GPC6: variants seen among roughly 807,000 people sequenced by gnomAD.
The protein encoded by GPC6 is glypican 6.
A neutral mutation model predicts 55.2 loss-of-function variants in GPC6; 14 were observed. That is an observed-to-expected ratio of 0.25 (90% CI 0.17 to 0.40). The LOEUF is 0.40. Ranked by LOEUF, GPC6 falls within the 10% of genes least tolerant of loss-of-function variation. The pLI, the probability that GPC6 is intolerant of heterozygous loss-of-function variation, is 1.00. For missense variants in GPC6, 641 were observed against 708.5 expected, an observed-to-expected ratio of 0.90 and a Z score of 1.08; for synonymous variants, 278 against 259.6, an observed-to-expected ratio of 1.07 and a Z score of -0.68.
intron 6 of GPC6, among the ~76,000 whole-genome samples, chr13:94,311,296 G>A (rs1323670866): frequency 6.6e-6 from 1 of 151,706 alleles, no homozygotes; most frequent in African/African-American, 2.4e-5. Context: ...GGCCTCCCGA[G>A]TAGCTGGGAT....
intron 1 of GPC6, among the ~76,000 whole-genome samples, chr13:93,271,033 C>T (rs1877505060): frequency 6.6e-6 from 1 of 152,092 alleles, no homozygotes; most frequent in Admixed American, 6.5e-5. Context: ...TCCTTCTGGG[C>T]AAAAAGCAGA....
intron 4 of GPC6, among the ~76,000 whole-genome samples, chr13:94,031,974 T>C (rs187658327): frequency 3.3e-5 from 5 of 152,176 alleles, no homozygotes; most frequent in Non-Finnish European, 4.4e-5. Context: ...TAAGATTTTA[T>C]AGACTATGAG....
chr13:93,504,762 A>G (rs1399855692), intron 1 of GPC6, among the ~76,000 whole-genome samples: 1 of 152,180 alleles, frequency 6.6e-6, no homozygotes, highest in Non-Finnish European at 1.5e-5. Context: ...AAAAACAACA[A>G]CATTGAGTTC....
intron 3 of GPC6, among the ~76,000 whole-genome samples, chr13:94,015,404 T>C (rs1006782437): frequency 5.9e-5 from 9 of 152,184 alleles, no homozygotes; most frequent in Non-Finnish European, 1.3e-4. Flanking sequence ...TGGAGTTGTG[T>C]ATATGCTGGA....
chr13:93,566,185 A>G (rs1876107547), intron 2 of GPC6, among the ~76,000 whole-genome samples: 1 of 152,202 alleles, frequency 6.6e-6, no homozygotes, highest in African/African-American at 2.4e-5. Context: ...TTTCCTTGTA[A>G]TAATCATGCT....
At chr13:93,486,069 G>T (rs753903584) in intron 1 of GPC6, among the ~76,000 whole-genome samples, 1 of 152,162 alleles carries the variant, frequency 6.6e-6, no homozygotes, top group South Asian at 2.1e-4. Context: ...CAAGAAAATT[G>T]TTGCATGAAT....
chr13:93,642,120 C>T (rs1173300106), intron 2 of GPC6, among the ~76,000 whole-genome samples: 1 of 151,976 alleles, frequency 6.6e-6, no homozygotes, highest in African/African-American at 2.4e-5. Context: ...CCATAGTATC[C>T]AATAGGTAGT....
chr13:93,302,696 C>T (rs1566288280), intron 1 of GPC6, among the ~76,000 whole-genome samples: 1 of 152,226 alleles, frequency 6.6e-6, no homozygotes, highest in Non-Finnish European at 1.5e-5. Flanking sequence ...GGTAGAACAC[C>T]TGTAGCAGAA....
rs56074677 is a variant in GPC6 at position 94,339,751 on chromosome 13, C to CTTTTTTTTTT, written c.1152+33648_1152+33657dup. On this transcript the variant is annotated intron_variant, in intron 6 of 8. Transcript: ENST00000377047. ...TTAAGTCTGCAACCTGCATACTTTC[C>CTTTTTTTTTT]TTTTTTTTTTTTTTTTTTTTTTTTT... 7.1e-4 allele frequency among the ~76,000 whole-genome samples: 45 copies of CTTTTTTTTTT among 63,814 alleles called. 6 individuals are homozygous for CTTTTTTTTTT. The highest frequency in any genetic ancestry group is 3.5e-3 in the East Asian group (8 of 2,310). The allele number at this position is 63,814 out of a possible 152,430, so 41.9% of individuals were successfully genotyped here. A position where few individuals can be genotyped will look rare whatever the true frequency, so the allele number is the denominator to read the frequency against.
intron 2 of GPC6, among the ~76,000 whole-genome samples, chr13:93,552,349 A>G (rs1391643342): frequency 6.6e-6 from 1 of 152,188 alleles, no homozygotes; most frequent in Non-Finnish European, 1.5e-5. Flanking sequence ...TGTTTTTACA[A>G]TGCTGAAAGA....
rs1349344771 is a variant in GPC6, at chr13:93,885,127, A to G, written c.711+54582A>G. On this transcript the variant is annotated intron_variant, in intron 3 of 8. Coordinates refer to ENST00000377047, the MANE Select transcript of GPC6 (RefSeq NM_005708.5). Reference sequence around the variant, plus strand: ...AGGAAAATAGATAGATAAACAGACAATTACACTACAGCCCATTAACTATGT... The same window carrying G: ...AGGAAAATAGATAGATAAACAGACAGTTACACTACAGCCCATTAACTATGT... Among the ~76,000 whole-genome samples, 16 of 152,060 alleles carry G rather than the reference A, an allele frequency of 1.1e-4. 1 individual carries two copies. The highest frequency in any genetic ancestry group is 9.8e-4 in the Admixed American group (15 of 15,238).
chr13:93,275,585 C>A (rs1439164394), intron 1 of GPC6, among the ~76,000 whole-genome samples: 1 of 152,102 alleles, frequency 6.6e-6, no homozygotes, highest in Admixed American at 6.6e-5. Flanking sequence ...GTATAGGCAG[C>A]TTTGGTATCA....
At chr13:93,451,291 T>C (rs1878213805) in intron 1 of GPC6, among the ~76,000 whole-genome samples, 1 of 152,258 alleles carries the variant, frequency 6.6e-6, no homozygotes, top group Non-Finnish European at 1.5e-5. Flanking sequence ...TGAGAAAACT[T>C]CTGCTCTATG....
intron 4 of GPC6, among the ~76,000 whole-genome samples, chr13:94,266,369 T>C (rs183771730): frequency 0.02 from 3,079 of 152,104 alleles, 81 homozygotes; most frequent in African/African-American, 0.063. Flanking sequence ...GGGGTTTCAC[T>C]GTGTTAGCCA....
chr13:94,064,660 C>G (rs1884453680), intron 4 of GPC6, among the ~76,000 whole-genome samples: 1 of 152,086 alleles, frequency 6.6e-6, no homozygotes, highest in Non-Finnish European at 1.5e-5. Context: ...CCTTTGAATG[C>G]AGTCATTCTC....
At chr13:94,105,643 T>TTGGAG (rs1044629735) in intron 4 of GPC6, among the ~76,000 whole-genome samples, 50 of 152,126 alleles carry the variant, frequency 3.3e-4, no homozygotes, top group African/African-American at 1.2e-3. Context: ...TTCAGGAACT[T>TTGGAG]TGGAGCCACA....
chr13:94,308,329 T>C (rs1471646524), intron 6 of GPC6, among the ~76,000 whole-genome samples: 1 of 152,224 alleles, frequency 6.6e-6, no homozygotes, highest in Non-Finnish European at 1.5e-5. Flanking sequence ...TAAAATCTGA[T>C]GGACATGAAA....
At chr13:94,276,846 G>C (rs921895958) in intron 4 of GPC6, among the ~76,000 whole-genome samples, 1 of 152,082 alleles carries the variant, frequency 6.6e-6, no homozygotes, top group Non-Finnish European at 1.5e-5. Context: ...TCACTGATGG[G>C]CATTTGGGTT....
intron 3 of GPC6, among the ~76,000 whole-genome samples, chr13:93,993,338 G>T (rs1321887143): frequency 1.3e-5 from 2 of 148,950 alleles, no homozygotes; most frequent in African/African-American, 4.9e-5. Context: ...TGTCGCCCAG[G>T]CTGAGAGCGC....
Sources: allele counts gnomAD v4.1 joint callset (sites outside exome capture counted in the v4.1 genomes callset), GRCh38; gene constraint gnomAD v4.1.1; transcripts MANE v1.5; gene names NCBI Gene and HGNC (gene_info 2026-07-23, HGNC 2026-07-21).